The following PPHLN1 variants were observed in gnomAD, a reference collection of about 807,000 sequenced individuals.
PPHLN1 encodes periphilin 1, also known as periphilin-1.
PPHLN1 carries 29 observed loss-of-function variants against 51.3 expected under a neutral mutation model. That is an observed-to-expected ratio of 0.57 (90% CI 0.42 to 0.77). The LOEUF is 0.77. Ranked by LOEUF, PPHLN1 falls within the 30% of genes least tolerant of loss-of-function variation. The pLI is 0.00. For missense variants in PPHLN1, 436 were observed against 438.4 expected (o/e 0.99, Z 0.05); for synonymous variants, 147 against 147.8 (o/e 0.99, Z 0.04).
intron 7 of PPHLN1, 120 bp downstream of exon 7, chr12:42,387,655 C>A: frequency 7.4e-7 from 1 of 1,349,748 alleles, no homozygotes; most frequent in Non-Finnish European, 9.7e-7. Context: ...CATTTAAAAA[C>A]TTAAATTTTT....
intron 1 of PPHLN1, among the ~76,000 whole-genome samples, chr12:42,334,975 TTGTC>T (rs1288798548): frequency 6.6e-6 from 1 of 152,216 alleles, no homozygotes; most frequent in Non-Finnish European, 1.5e-5. Flanking sequence ...CCGAAAATAT[TTGTC>T]TGATCTTTTG....
intron 5 of PPHLN1, among the ~76,000 whole-genome samples, chr12:42,378,084 ATCTTTCTCTT>A (rs2076424064): frequency 1.6e-5 from 2 of 124,834 alleles, no homozygotes; most frequent in Admixed American, 8.3e-5. Flanking sequence ...CTATCTATCT[ATCTTTCTCTT>A]TCTTTCTTTC....
chr12:42,428,917 A>G (rs2081773075), intron 9 of PPHLN1, among the ~76,000 whole-genome samples: 1 of 148,264 alleles, frequency 6.7e-6, no homozygotes, highest in African/African-American at 2.5e-5. Context: ...TTTCATTATG[A>G]TGGATGTTTT....
chr12:42,402,828 A>C (rs1265224170), intron 9 of PPHLN1, among the ~76,000 whole-genome samples: 1 of 152,142 alleles, frequency 6.6e-6, no homozygotes, highest in Non-Finnish European at 1.5e-5. Flanking sequence ...AGGGTGTTAG[A>C]TTTAATTGTA....
intron 4 of PPHLN1, among the ~76,000 whole-genome samples, chr12:42,368,446 AT>A (rs1214306836): frequency 1.3e-5 from 2 of 152,170 alleles, no homozygotes; most frequent in Non-Finnish European, 2.9e-5. Context: ...AAAACCTGAA[AT>A]TGTAATATAG....
intron 9 of PPHLN1, among the ~76,000 whole-genome samples, chr12:42,404,643 TCTTCA>T (rs1451460023): frequency 6.6e-6 from 1 of 152,238 alleles, no homozygotes; most frequent in Non-Finnish European, 1.5e-5. Flanking sequence ...GCCTCTTACC[TCTTCA>T]CTTCTTTTGT....
downstream of PPHLN1, chr12:42,447,760 A>C (rs901728420): frequency 6.6e-6 from 1 of 152,244 alleles, no homozygotes; most frequent in African/African-American, 2.4e-5. Context: ...ATATTAAAAG[A>C]GGAAGTAGCA....
intron 2 of PPHLN1, among the ~76,000 whole-genome samples, chr12:42,350,610 A>T (rs1330288462): frequency 2.0e-5 from 3 of 152,156 alleles, no homozygotes; most frequent in African/African-American, 7.2e-5. Flanking sequence ...AGGCCAAGGC[A>T]GGCGGCTGGG....
chr12:42,417,541 G>C (rs2080503441), intron 9 of PPHLN1, among the ~76,000 whole-genome samples: 2 of 152,074 alleles, frequency 1.3e-5, no homozygotes, highest in Non-Finnish European at 2.9e-5. Context: ...AGTTAATAGT[G>C]GATCAAATAA....
intron 4 of PPHLN1, 106 bp downstream of exon 4, chr12:42,355,328 AT>A: frequency 1.0e-6 from 1 of 988,462 alleles, no homozygotes; most frequent in East Asian, 2.5e-5. Context: ...TTTTACTGGG[AT>A]TTTAAATTTT....
chr12:42,415,888 C>T (rs1402197941), intron 9 of PPHLN1, among the ~76,000 whole-genome samples: 1 of 152,182 alleles, frequency 6.6e-6, no homozygotes, highest in Non-Finnish European at 1.5e-5. Flanking sequence ...ACTGTGACCA[C>T]TTCTTATTTA....
intron 4 of PPHLN1, among the ~76,000 whole-genome samples, chr12:42,361,917 A>G: frequency 6.6e-6 from 1 of 152,192 alleles, no homozygotes; most frequent in Admixed American, 6.5e-5. Context: ...ACTGAATCAT[A>G]TGGTAATCTA....
chr12:42,393,906 A>G (rs2077963398), intron 8 of PPHLN1, among the ~76,000 whole-genome samples: 1 of 152,128 alleles, frequency 6.6e-6, no homozygotes. Context: ...TTGGTGTGTA[A>G]GAATAGTATA....
chr12:42,446,430 C>G (rs887992959), downstream of PPHLN1: 28 of 1,340,406 alleles, frequency 2.1e-5, 1 homozygote, highest in South Asian at 2.7e-4. Context: ...CTAGGAGGGA[C>G]TAACATACCC....
At chr12:42,432,407 GT>G (rs2082115511) in intron 9 of PPHLN1, 1 of 754,238 alleles carries the variant, frequency 1.3e-6, no homozygotes, top group Non-Finnish European at 2.5e-6. Context: ...ATTTCCAATG[GT>G]TTCTTTAGTG....
At chr12:42,432,413 T>G in intron 9 of PPHLN1, 1 of 756,132 alleles carries the variant, frequency 1.3e-6, no homozygotes, top group Non-Finnish European at 2.5e-6. Flanking sequence ...AATGGTTTCT[T>G]TAGTGCCAAC....
At chr12:42,393,044 G>A (rs1565920580) in intron 7 of PPHLN1, among the ~76,000 whole-genome samples, 1 of 152,144 alleles carries the variant, frequency 6.6e-6, no homozygotes, top group South Asian at 2.1e-4. Flanking sequence ...TTAGTATTGT[G>A]TGCAGTTAGA....
chr12:42,353,798 T>C (rs547273124), intron 3 of PPHLN1, among the ~76,000 whole-genome samples: 1 of 152,314 alleles, frequency 6.6e-6, no homozygotes, highest in South Asian at 2.1e-4. Context: ...GACCAGTTTG[T>C]ATTTGAAACC....
intron 5 of PPHLN1, among the ~76,000 whole-genome samples, chr12:42,379,691 T>C (rs1215808506): frequency 6.6e-6 from 1 of 152,046 alleles, no homozygotes; most frequent in African/African-American, 2.4e-5. Context: ...TCAGGTGCAA[T>C]TGTATGTGTG....
Sources: gnomAD v4.1 joint callset for allele counts (sites outside exome capture counted in the v4.1 genomes callset) on GRCh38, gnomAD v4.1.1 for gene constraint, MANE v1.5 for transcripts, NCBI Gene and HGNC (gene_info 2026-07-23, HGNC 2026-07-21) for gene names.